EXOC2: variants seen among roughly 807,000 people sequenced by gnomAD.
EXOC2 encodes exocyst complex component 2.
Under a neutral mutation model 131.8 loss-of-function variants are expected in EXOC2, and 70 were observed. The ratio of observed to expected loss-of-function variants is 0.53; its 90% CI spans 0.44 to 0.65. The LOEUF is 0.65. Among genes scored for constraint, EXOC2 ranks in the 30% least tolerant of loss-of-function variants. The pLI is 0.00. For synonymous variants in EXOC2, 411 were observed against 398.4 expected, an observed-to-expected ratio of 1.03 and a Z score of -0.38; for missense variants, 923 against 1,108.6, an observed-to-expected ratio of 0.83 and a Z score of 2.38.
intron 4 of EXOC2, among the ~76,000 whole-genome samples, chr6:625,745 C>T (rs746929010): frequency 6.6e-6 from 1 of 151,864 alleles, no homozygotes; most frequent in Non-Finnish European, 1.5e-5. Context: ...GAAGCCAGGC[C>T]GATTCGAAGA....
chr6:606,490 C>T (rs183193299), intron 7 of EXOC2, among the ~76,000 whole-genome samples: 18 of 152,200 alleles, frequency 1.2e-4, no homozygotes, highest in Middle Eastern at 3.4e-3. Context: ...AAAATTAAAG[C>T]GTCATATTTC....
intron 1 of EXOC2, among the ~76,000 whole-genome samples, chr6:658,354 G>C (rs1215652241): frequency 1.3e-5 from 2 of 151,974 alleles, no homozygotes; most frequent in Admixed American, 1.3e-4. Flanking sequence ...TACTGCTCCA[G>C]ATGAATTCTA....
intron 4 of EXOC2, among the ~76,000 whole-genome samples, chr6:622,266 T>C (rs186556600): frequency 1.3e-5 from 2 of 152,352 alleles, no homozygotes; most frequent in East Asian, 3.9e-4. Flanking sequence ...CAAAATGCGC[T>C]ACTGGTATCA....
At chr6:591,974 C>T (rs1463558178) in intron 11 of EXOC2, among the ~76,000 whole-genome samples, 1 of 152,194 alleles carries the variant, frequency 6.6e-6, no homozygotes, top group African/African-American at 2.4e-5. Context: ...CCATCTAAAG[C>T]ATTCTCCTCA....
intron 1 of EXOC2, among the ~76,000 whole-genome samples, chr6:642,792 T>C (rs1762413883): frequency 6.6e-6 from 1 of 152,106 alleles, no homozygotes; most frequent in Non-Finnish European, 1.5e-5. Flanking sequence ...TAGAAGATAT[T>C]TGAAGAAACA....
chr6:670,345 C>T (rs1316023656), intron 1 of EXOC2: 1 of 152,194 alleles, frequency 6.6e-6, no homozygotes, highest in Non-Finnish European at 1.5e-5. Context: ...AAAATTTAGG[C>T]AGAGCCAGGG....
chr6:581,815 T>G (rs952129996), intron 11 of EXOC2, among the ~76,000 whole-genome samples: 2 of 152,174 alleles, frequency 1.3e-5, no homozygotes, highest in African/African-American at 4.8e-5. Context: ...CAAAAGTTAG[T>G]ATTTTATTTT....
chr6:505,186 G>C (rs1035370007), intron 23 of EXOC2, among the ~76,000 whole-genome samples: 9 of 152,102 alleles, frequency 5.9e-5, no homozygotes, highest in African/African-American at 1.9e-4. Flanking sequence ...TGATGTGCTA[G>C]AACTGGAAAC....
chr6:691,095 G>A (rs1386134468), intron 1 of EXOC2, among the ~76,000 whole-genome samples: 2 of 152,228 alleles, frequency 1.3e-5, no homozygotes, highest in African/African-American at 4.8e-5. Context: ...GGACACCTCT[G>A]TAACCAGCAC....
At chr6:556,347 T>C in intron 18 of EXOC2, 137 bp downstream of exon 18, 2 of 895,990 alleles carry the variant, frequency 2.2e-6, no homozygotes, top group South Asian at 3.3e-5. Flanking sequence ...AATCAGCACA[T>C]CTACGCAGTT....
Position 633,026 on chromosome 6 carries a change from G to C in EXOC2, c.210C>G (p.Asp70Glu). 2 of 1,614,088 alleles carry C rather than the reference G, an allele frequency of 1.2e-6. No individual in the cohort carries two copies. Among genetic ancestry groups the C allele is most frequent in the South Asian group, 2.2e-5 (2 of 91,082 alleles). The change falls in exon 3 of 28, where the codon GAC becomes GAG. Residue 70 changes from aspartate (D) to glutamate (E), a missense_variant. By Grantham distance (45) the Asp-to-Glu change is conservative (BLOSUM62 2). Transcript: ENST00000230449. ...IVCRVGQAKN[D>E]KGDIIVTTKS... The stretch of plus-strand genomic sequence containing the variant: ...TAGTGGTGACAATAATGTCTCCTTT[G>C]TCATTTTTGGCTTGTCCCACTCGAC...
At position 497,452 on chromosome 6, in the gene EXOC2, A is replaced by C. The variant is rs750901189; in HGVS notation, c.2474T>G (p.Leu825Arg). The C allele has an allele frequency of 5.0e-6, 8 of 1,613,800 alleles. No individual in the cohort carries two copies. Among genetic ancestry groups the C allele is most frequent in the Non-Finnish European group, 6.8e-6 (8 of 1,179,808 alleles). Residue 825 changes from leucine to arginine, a missense_variant, in exon 25 of 28, where the codon CTA becomes CGA. Transcript: ENST00000230449. ...TISKELVPRV[L>R]SKVIEAVSEE... ...AGAAACTGCTTCTATCACCTTGGAT[A>C]GTACCCGAGGGACCAGTTCTTTGGA... is the stretch of plus-strand genomic sequence containing the variant.
chr6:562,727 A>T, intron 17 of EXOC2, 57 bp downstream of exon 17: 1 of 1,234,850 alleles, frequency 8.1e-7, no homozygotes, highest in Non-Finnish European at 1.1e-6. Context: ...TAATATGATA[A>T]ACTATTTATT....
At chr6:636,886 A>G (rs1762127915) in intron 2 of EXOC2, among the ~76,000 whole-genome samples, 1 of 152,222 alleles carries the variant, frequency 6.6e-6, no homozygotes, top group African/African-American at 2.4e-5. Context: ...ATTTTTAAAA[A>G]TAATGTTTAG....
chr6:589,128 C>CA (rs1272455652), intron 11 of EXOC2, among the ~76,000 whole-genome samples: 37 of 152,230 alleles, frequency 2.4e-4, no homozygotes, highest in African/African-American at 8.2e-4. Context: ...AATCCTTGGT[C>CA]AGACCACATA....
chr6:579,951 G>A (rs774556918), intron 11 of EXOC2, among the ~76,000 whole-genome samples: 1 of 151,886 alleles, frequency 6.6e-6, no homozygotes, highest in Non-Finnish European at 1.5e-5. Flanking sequence ...TCACATATCA[G>A]TCTATTTTGT....
At chr6:640,128 G>C (rs1385560106) in intron 1 of EXOC2, among the ~76,000 whole-genome samples, 1 of 152,166 alleles carries the variant, frequency 6.6e-6, no homozygotes, top group African/African-American at 2.4e-5. Flanking sequence ...CTTTTTCTAT[G>C]ATATGAGTTT....
chr6:549,098 G>T, intron 22 of EXOC2, 77 bp downstream of exon 22: 1 of 1,220,124 alleles, frequency 8.2e-7, no homozygotes, highest in Non-Finnish European at 1.2e-6. Context: ...ACTGCTAGCA[G>T]AACACAGGCT....
intron 7 of EXOC2, among the ~76,000 whole-genome samples, chr6:604,680 C>T (rs149672288): frequency 2.0e-5 from 3 of 147,552 alleles, no homozygotes; most frequent in Admixed American, 6.8e-5. Context: ...GCTTCCTGGG[C>T]TGCGGCCTAT....
Sources: allele counts gnomAD v4.1 joint callset (sites outside exome capture counted in the v4.1 genomes callset), GRCh38; gene constraint gnomAD v4.1.1; transcripts MANE v1.5; gene names NCBI Gene and HGNC (gene_info 2026-07-23, HGNC 2026-07-21).